The following KHDRBS2 variants were observed in gnomAD, a reference collection of about 807,000 sequenced individuals.
KHDRBS2 encodes KH domain-containing, RNA-binding, signal transduction-associated protein 2.
A neutral mutation model predicts 44.3 loss-of-function variants in KHDRBS2; 26 were observed. The ratio of observed to expected loss-of-function variants is 0.59; its 90% CI spans 0.43 to 0.81. The LOEUF (loss-of-function observed/expected upper bound fraction) is 0.81, where lower values mean the gene tolerates loss of function less well. KHDRBS2 is among the 40% of genes least tolerant of loss of function. The probability of loss-of-function intolerance (pLI) is 0.00; values close to 1 mark genes in which losing one functional copy is unlikely to be tolerated. For synonymous variants in KHDRBS2, 194 were observed against 151.1 expected (o/e 1.28, Z -2.08); for missense variants, 476 against 433.1 (o/e 1.10, Z -0.88).
chr6:61,770,855 G>A (rs1217807738), intron 6 of KHDRBS2, among the ~76,000 whole-genome samples: 4 of 152,066 alleles, frequency 2.6e-5, no homozygotes, highest in Non-Finnish European at 5.9e-5. Context: ...GATACTCCTC[G>A]AGAAGAGCAA....
At chr6:62,089,187 C>A (rs550489556) in intron 2 of KHDRBS2, among the ~76,000 whole-genome samples, 1 of 150,094 alleles carries the variant, frequency 6.7e-6, no homozygotes, top group African/African-American at 2.5e-5. Flanking sequence ...TGAGCTAGAT[C>A]GCTTGGCTCC....
chr6:61,754,096 A>G (rs963152544), intron 6 of KHDRBS2, among the ~76,000 whole-genome samples: 8 of 152,168 alleles, frequency 5.3e-5, no homozygotes, highest in Non-Finnish European at 1.0e-4. Context: ...CGGAACTGCG[A>G]GAGAATAGAT....
chr6:61,763,512 C>T (rs534058924), intron 6 of KHDRBS2, among the ~76,000 whole-genome samples: 1 of 152,182 alleles, frequency 6.6e-6, no homozygotes, highest in Non-Finnish European at 1.5e-5. Flanking sequence ...TGTGAATTTC[C>T]GACCAAGTTC....
chr6:62,268,743 C>T (rs1237603906), intron 1 of KHDRBS2, among the ~76,000 whole-genome samples: 1 of 151,808 alleles, frequency 6.6e-6, no homozygotes, highest in Non-Finnish European at 1.5e-5. Flanking sequence ...CAGGACAGTG[C>T]AGTGCTTAGG....
At chr6:61,753,402 C>A (rs1261975694) in intron 6 of KHDRBS2, among the ~76,000 whole-genome samples, 4 of 152,080 alleles carry the variant, frequency 2.6e-5, no homozygotes, top group Non-Finnish European at 5.9e-5. Flanking sequence ...CCCACCCCCC[C>A]AAACCATATG....
At chr6:61,587,223 TC>T in the KHDRBS2 span, among the ~76,000 whole-genome samples, 1 of 152,160 alleles carries the variant, frequency 6.6e-6, no homozygotes, top group Non-Finnish European at 1.5e-5. Flanking sequence ...AGCAGATACT[TC>T]TTTTGGAGCT....
chr6:61,821,248 A>G (rs915552033), intron 6 of KHDRBS2, among the ~76,000 whole-genome samples: 8 of 152,030 alleles, frequency 5.3e-5, no homozygotes, highest in African/African-American at 1.9e-4. Flanking sequence ...CTGGGGTGCT[A>G]TTTAAACAAT....
chr6:62,024,051 A>AT (rs537186106), intron 3 of KHDRBS2, among the ~76,000 whole-genome samples: 84 of 151,480 alleles, frequency 5.5e-4, no homozygotes, highest in African/African-American at 2.0e-3. Flanking sequence ...TATAAAAAAA[A>AT]GTTAAATATG....
At chr6:62,101,373 G>A (rs757437158) in intron 2 of KHDRBS2, among the ~76,000 whole-genome samples, 23 of 152,108 alleles carry the variant, frequency 1.5e-4, no homozygotes, top group Non-Finnish European at 3.2e-4. Context: ...GTAACTGCAA[G>A]GTCTTGGATT....
chr6:61,980,872 AAACT>A (rs1773697565), intron 3 of KHDRBS2, among the ~76,000 whole-genome samples: 1 of 152,170 alleles, frequency 6.6e-6, no homozygotes, highest in South Asian at 2.1e-4. Context: ...GACTGCACAC[AAACT>A]GTCTTTGTGT....
At chr6:61,927,779 A>G (rs1321361553) in intron 4 of KHDRBS2, among the ~76,000 whole-genome samples, 1 of 152,148 alleles carries the variant, frequency 6.6e-6, no homozygotes, top group Non-Finnish European at 1.5e-5. Flanking sequence ...TATAATGCCC[A>G]TCTGTTCCAT....
At chr6:62,201,649 G>C (rs1192676689) in intron 1 of KHDRBS2, among the ~76,000 whole-genome samples, 1 of 151,710 alleles carries the variant, frequency 6.6e-6, no homozygotes, top group Non-Finnish European at 1.5e-5. Flanking sequence ...CTTTCGCTTT[G>C]GAAAAAAATT....
intron 6 of KHDRBS2, among the ~76,000 whole-genome samples, chr6:61,848,518 T>TATAC (rs1491481072): frequency 6.5e-5 from 3 of 46,126 alleles, no homozygotes; most frequent in South Asian, 8.8e-4. Flanking sequence ...TATGTATATA[T>TATAC]GTATATATAT....
At chr6:61,804,247 T>C (rs1786764920) in intron 6 of KHDRBS2, among the ~76,000 whole-genome samples, 1 of 152,154 alleles carries the variant, frequency 6.6e-6, no homozygotes, top group African/African-American at 2.4e-5. Flanking sequence ...AATTAAATCT[T>C]AAAGCTCCAA....
intron 2 of KHDRBS2, among the ~76,000 whole-genome samples, chr6:62,067,300 G>C (rs1435055586): frequency 6.6e-6 from 1 of 151,484 alleles, no homozygotes; most frequent in African/African-American, 2.4e-5. Flanking sequence ...AACTAGTAAA[G>C]GTACTACATA....
intron 2 of KHDRBS2, among the ~76,000 whole-genome samples, chr6:62,151,818 G>A (rs961881698): frequency 2.0e-5 from 3 of 152,196 alleles, no homozygotes; most frequent in Non-Finnish European, 4.4e-5. Context: ...AATAAAGATA[G>A]AGTGTAACGC....
At chr6:62,016,218 G>A (rs1388944687) in intron 3 of KHDRBS2, among the ~76,000 whole-genome samples, 2 of 152,070 alleles carry the variant, frequency 1.3e-5, no homozygotes, top group Admixed American at 6.6e-5. Flanking sequence ...ATAGTAGAAT[G>A]AGGTAGGATC....
intron 5 of KHDRBS2, among the ~76,000 whole-genome samples, chr6:61,900,983 C>A (rs1457068167): frequency 1.3e-5 from 2 of 152,018 alleles, no homozygotes; most frequent in African/African-American, 4.8e-5. Flanking sequence ...GTCTACGTGA[C>A]CCCAGGTAAA....
chr6:61,838,032 G>GAAGCAAATGCAAAGATGTC, intron 6 of KHDRBS2, among the ~76,000 whole-genome samples: 1 of 151,970 alleles, frequency 6.6e-6, no homozygotes, highest in Non-Finnish European at 1.5e-5. Context: ...TTTTCTTCAG[G>GAAGCAAATGCAAAGATGTC]ACTAATAAAA....
Sources: gnomAD v4.1 joint callset for allele counts (sites outside exome capture counted in the v4.1 genomes callset) on GRCh38, gnomAD v4.1.1 for gene constraint, MANE v1.5 for transcripts, NCBI Gene and HGNC (gene_info 2026-07-23, HGNC 2026-07-21) for gene names.